The following EXOC6B variants were observed in gnomAD, a reference collection of about 807,000 sequenced individuals.
The protein encoded by EXOC6B is exocyst complex component 6B.
EXOC6B carries 54 observed loss-of-function variants against 113.5 expected under a neutral mutation model. The observed-to-expected ratio is 0.48, with a 90% CI of 0.38 to 0.60. EXOC6B has a LOEUF of 0.60. EXOC6B is among the 20% of genes least tolerant of loss of function. The pLI, the probability that EXOC6B is intolerant of heterozygous loss-of-function variation, is 0.00. For synonymous variants in EXOC6B, 357 were observed against 339.0 expected (o/e 1.05, Z -0.58); for missense variants, 797 against 977.5 (o/e 0.82, Z 2.46).
At chr2:72,658,657 AAAGAG>A (rs1206816343) in intron 6 of EXOC6B, among the ~76,000 whole-genome samples, 1 of 152,096 alleles carries the variant, frequency 6.6e-6, no homozygotes, top group Non-Finnish European at 1.5e-5. Flanking sequence ...AGAAACTGAG[AAAGAG>A]AAGAGAGCTA....
At chr2:72,407,897 T>C (rs1693890247) in intron 18 of EXOC6B, among the ~76,000 whole-genome samples, 1 of 152,188 alleles carries the variant, frequency 6.6e-6, no homozygotes. Context: ...ATAAAGGGTA[T>C]TCAATGAGGA....
chr2:72,626,627 C>T (rs946908527), intron 6 of EXOC6B, among the ~76,000 whole-genome samples: 1 of 152,100 alleles, frequency 6.6e-6, no homozygotes, highest in Non-Finnish European at 1.5e-5. Flanking sequence ...ATGTTAGTTT[C>T]TATGTGTAAT....
At chr2:72,391,020 C>T (rs944422651) in intron 18 of EXOC6B, among the ~76,000 whole-genome samples, 3 of 152,208 alleles carry the variant, frequency 2.0e-5, no homozygotes, top group Non-Finnish European at 2.9e-5. Context: ...CGTCCCCAAA[C>T]TCCAGTCGTT....
intron 1 of EXOC6B, among the ~76,000 whole-genome samples, chr2:72,748,488 G>A (rs1681838536): frequency 6.6e-6 from 1 of 152,004 alleles, no homozygotes; most frequent in Non-Finnish European, 1.5e-5. Context: ...TGCTCTGGGT[G>A]CATAACGATG....
chr2:72,725,086 C>A (rs75818634), intron 5 of EXOC6B, among the ~76,000 whole-genome samples: 7,397 of 152,222 alleles, frequency 0.049, 236 homozygotes, highest in Non-Finnish European at 0.075. Flanking sequence ...AAACCACAAG[C>A]AGGATAAATA....
At chr2:72,665,477 T>G (rs973520051) in intron 6 of EXOC6B, among the ~76,000 whole-genome samples, 2 of 151,748 alleles carry the variant, frequency 1.3e-5, no homozygotes, top group African/African-American at 2.4e-5. Context: ...ATAAAGGAAA[T>G]AGCATTAGGC....
intron 1 of EXOC6B, among the ~76,000 whole-genome samples, chr2:72,793,980 G>A (rs1002229347): frequency 7.9e-5 from 12 of 152,208 alleles, no homozygotes; most frequent in Non-Finnish European, 1.0e-4. Flanking sequence ...ATGCCAGCAG[G>A]AGCTGCTCTA....
At chr2:72,239,967 C>T (rs1005405717) in intron 20 of EXOC6B, among the ~76,000 whole-genome samples, 1 of 151,904 alleles carries the variant, frequency 6.6e-6, no homozygotes, top group Non-Finnish European at 1.5e-5. Flanking sequence ...TGCTACTGTA[C>T]AGAAATATAA....
At chr2:72,631,434 A>G (rs1362414613) in intron 6 of EXOC6B, among the ~76,000 whole-genome samples, 681 of 15,698 alleles carry the variant, frequency 0.043, 23 homozygotes, top group African/African-American at 0.12. Flanking sequence ...GTGTATATAT[A>G]TATATATATA....
chr2:72,651,976 G>T (rs967432612), intron 6 of EXOC6B, among the ~76,000 whole-genome samples: 14 of 152,016 alleles, frequency 9.2e-5, no homozygotes, highest in Non-Finnish European at 1.6e-4. Context: ...ATAATAATTT[G>T]GCCTGCCTCT....
intron 20 of EXOC6B, among the ~76,000 whole-genome samples, chr2:72,189,311 T>C (rs1280055197): frequency 6.6e-6 from 1 of 152,218 alleles, no homozygotes; most frequent in African/African-American, 2.4e-5. Context: ...TGGTTTTGTC[T>C]AGTGGCTTCT....
intron 20 of EXOC6B, among the ~76,000 whole-genome samples, chr2:72,230,418 A>G (rs1272474633): frequency 1.3e-5 from 2 of 152,216 alleles, no homozygotes; most frequent in African/African-American, 2.4e-5. Flanking sequence ...TTAAAGGCAT[A>G]TCACTATCTT....
At chr2:72,643,883 C>T (rs1002830499) in intron 6 of EXOC6B, among the ~76,000 whole-genome samples, 2 of 151,536 alleles carry the variant, frequency 1.3e-5, no homozygotes, top group African/African-American at 4.8e-5. Flanking sequence ...AAACAGAGCG[C>T]CTCTTCTCCT....
At position 72,379,772 on chromosome 2, in the gene EXOC6B, C is replaced by G. The variant is rs750937050; in HGVS notation, c.2079G>C (p.Leu693Phe). 7 of 1,613,482 alleles carry G rather than the reference C, an allele frequency of 4.3e-6. No homozygotes were observed. The highest frequency in any genetic ancestry group is 5.1e-6 in the Non-Finnish European group (6 of 1,179,652). The change falls in exon 19 of 22, where the codon TTG (leucine) becomes TTC (phenylalanine). Residue 693 changes from leucine (L) to phenylalanine (F), a missense_variant. Coordinates refer to ENST00000272427, the MANE Select transcript of EXOC6B (RefSeq NM_015189.3). ...LLEAEVRQLT[L>F]GALQQFNLDV... ...CCAAGTTGAACTGCTGTAATGCTCCCAAGGTGAGCTGCCGCACTTCAGCTT... is the reference window on the plus strand; with the variant it reads ...CCAAGTTGAACTGCTGTAATGCTCCGAAGGTGAGCTGCCGCACTTCAGCTT...
At chr2:72,551,380 TAGAGACAGGGTTTCACC>T (rs1703212746) in intron 8 of EXOC6B, among the ~76,000 whole-genome samples, 1 of 152,012 alleles carries the variant, frequency 6.6e-6, no homozygotes, top group Admixed American at 6.6e-5. Flanking sequence ...GTATTTTTAG[TAGAGACAGGGTTTCACC>T]ATGTTGGCCA....
At chr2:72,226,725 G>A (rs1681263849) in intron 20 of EXOC6B, among the ~76,000 whole-genome samples, 1 of 152,200 alleles carries the variant, frequency 6.6e-6, no homozygotes, top group African/African-American at 2.4e-5. Context: ...CATTACCAAA[G>A]CACTCTCATT....
intron 5 of EXOC6B, among the ~76,000 whole-genome samples, chr2:72,719,350 C>G (rs894671696): frequency 3.3e-5 from 5 of 152,126 alleles, no homozygotes; most frequent in African/African-American, 1.2e-4. Context: ...TTGGGGCAAA[C>G]AACAGACCAA....
intron 19 of EXOC6B, among the ~76,000 whole-genome samples, chr2:72,372,652 T>G (rs1279245633): frequency 1.3e-5 from 2 of 152,088 alleles, no homozygotes; most frequent in East Asian, 3.9e-4. Flanking sequence ...GAGACCATCC[T>G]GGCTAACATG....
intron 2 of EXOC6B, among the ~76,000 whole-genome samples, chr2:72,733,517 TAACTC>T (rs1441068887): frequency 1.3e-5 from 2 of 152,176 alleles, no homozygotes; most frequent in Admixed American, 6.5e-5. Context: ...CTGAACTTGT[TAACTC>T]AAGTCAAAGT....
Sources: allele counts gnomAD v4.1 joint callset (sites outside exome capture counted in the v4.1 genomes callset), GRCh38; gene constraint gnomAD v4.1.1; transcripts MANE v1.5; gene names NCBI Gene and HGNC (gene_info 2026-07-23, HGNC 2026-07-21).